NDUFAF5: variants seen among roughly 807,000 people sequenced by gnomAD.
NDUFAF5 encodes NADH:ubiquinone oxidoreductase complex assembly factor 5.
In NDUFAF5, 34 loss-of-function variants were observed where a neutral mutation model predicts 48.9. The observed-to-expected ratio is 0.70, with a 90% confidence interval of 0.53 to 0.93. The LOEUF is 0.93. NDUFAF5 is among the 40% of genes least tolerant of loss of function. The pLI is 0.00. For synonymous variants in NDUFAF5, 153 were observed against 150.6 expected, an observed-to-expected ratio of 1.02 and a Z score of -0.12; for missense variants, 428 against 427.5, an observed-to-expected ratio of 1.00 and a Z score of -0.01.
intron 7 of NDUFAF5, among the ~76,000 whole-genome samples, chr20:13,805,538 A>G (rs977235056): frequency 1.3e-5 from 2 of 152,186 alleles, no homozygotes; most frequent in Non-Finnish European, 2.9e-5. Flanking sequence ...AGTTTATACA[A>G]TTAGAAAGTT....
intron 8 of NDUFAF5, 159 bp from the exon 9 acceptor site, chr20:13,816,304 A>G (rs1253089745): frequency 7.2e-6 from 5 of 695,488 alleles, no homozygotes; most frequent in Admixed American, 4.1e-5. Flanking sequence ...TCACTAAGAA[A>G]CCCAGTTATA....
chr20:13,801,685 T>C lies in NDUFAF5; in HGVS notation c.717+2T>C. The C allele has an allele frequency of 6.2e-7, 1 of 1,612,676 alleles. No individual in the cohort carries two copies. Among genetic ancestry groups the C allele is most frequent in the Non-Finnish European group, 8.5e-7 (1 of 1,178,766 alleles). On this transcript the variant is annotated splice_donor_variant, in intron 7 of 10. Transcript: ENST00000378106. LOFTEE classifies it high-confidence loss of function. ...GCTGGCTTTAATACTCTGACTGTGG[T>C]AACTATCAAGTTCGATTAACCCATA... is the stretch of plus-strand genomic sequence containing the variant.
Position 13,787,348 on chromosome 20 carries a change from C to A in NDUFAF5, c.259C>A (p.Pro87Thr). The A allele has an allele frequency of 1.9e-6, 3 of 1,613,812 alleles. No individual in the cohort carries two copies. Among genetic ancestry groups the A allele is most frequent in the Non-Finnish European group, 2.5e-6 (3 of 1,179,790 alleles). Residue 87 changes from proline (P) to threonine (T), a missense_variant, in exon 2 of 11, where the codon CCC becomes ACC. Physicochemically the swap from Pro to Thr is conservative, Grantham distance 38. Coordinates refer to ENST00000378106, the MANE Select transcript of NDUFAF5 (RefSeq NM_024120.5). ...GATCGCAGACCGTGTATATGACATA[C>A]CCAGGTAAGTGGTGGTGATCATAAT... ...SRIADRVYDI[P>T]RNFPLALDLG...
intron 7 of NDUFAF5, among the ~76,000 whole-genome samples, chr20:13,805,330 A>G (rs1057332577): frequency 6.6e-5 from 10 of 152,328 alleles, no homozygotes; most frequent in Admixed American, 2.6e-4. Flanking sequence ...TGAACTACAC[A>G]TGGTTTTCTG....
chr20:13,811,171 A>G (rs914550593), intron 8 of NDUFAF5, among the ~76,000 whole-genome samples: 1 of 152,202 alleles, frequency 6.6e-6, no homozygotes, highest in Non-Finnish European at 1.5e-5. Flanking sequence ...AAGTGGGAAC[A>G]AGAAAGAGTG....
intron 5 of NDUFAF5, 118 bp downstream of exon 5, chr20:13,795,059 G>A (rs1170061081): frequency 8.3e-5 from 59 of 710,778 alleles, no homozygotes; most frequent in South Asian, 4.5e-4. Flanking sequence ...TTGGGAGGCC[G>A]AGGCGAGTGA....
intron 8 of NDUFAF5, chr20:13,813,038 C>G (rs1297969119): frequency 6.6e-6 from 1 of 152,372 alleles, no homozygotes; most frequent in Non-Finnish European, 1.5e-5. Context: ...CAACCTCTGC[C>G]TCCTGGGTTC....
Position 13,798,510 on chromosome 20 carries a change from CTT to C in NDUFAF5, c.519+11_519+12del. On this transcript the variant is annotated intron_variant, in intron 6 of 10. Transcript: ENST00000378106. ...TAGAGCACTTGAGCAGGTAAGAAAA[CTT>C]ATGTTCATTCAACTATCTTGTGTTA... 5.0e-6 allele frequency: 8 copies of C among 1,593,094 alleles called. No individual in the cohort carries two copies. Among genetic ancestry groups the C allele is most frequent in the Non-Finnish European group, 6.9e-6 (8 of 1,161,134 alleles).
In NDUFAF5 at chr20:13,797,687, C is replaced by G. The variant is rs144961679; in HGVS notation, c.480-774C>G. 4.8e-3 allele frequency among the ~76,000 whole-genome samples: 735 copies of G among 152,154 alleles called. 12 individuals carry two copies. Among genetic ancestry groups the G allele is most frequent in the African/African-American group, 0.016 (667 of 41,494 alleles). ...TATGACATTACACGTTTATCCAAAC[C>G]CTTAGAATATACAACACCAAAAGTG... On this transcript the variant is annotated intron_variant, in intron 5 of 10. Transcript: ENST00000378106.
intron 8 of NDUFAF5, among the ~76,000 whole-genome samples, chr20:13,815,697 A>G (rs1986376902): frequency 6.6e-6 from 1 of 152,256 alleles, no homozygotes; most frequent in Non-Finnish European, 1.5e-5. Context: ...AATTTAATAT[A>G]GAGAATACAT....
rs2034968098 is a variant in NDUFAF5, at chr20:13,785,283, A to G, written c.215A>G (p.Lys72Arg). The G allele has an allele frequency of 6.5e-7, 1 of 1,550,116 alleles. No homozygotes were observed. The highest frequency in any genetic ancestry group is 1.3e-5 in the African/African-American group (1 of 74,364). Residue 72 changes from lysine to arginine, a missense_variant, in exon 1 of 11, where the codon AAG becomes AGG. By Grantham distance (26) the Lys-to-Arg change is conservative. Transcript: ENST00000378106. Reference protein sequence around the residue: ...QPEPTKFDYLKEEVGSRIADR... With the variant: ...QPEPTKFDYLREEVGSRIADR... ...GAGCCGACCAAATTTGACTACCTGA[A>G]GGAGGAGGTGAGCCCGCGGGGCGGC...
At position 13,788,803 on chromosome 20, in the gene NDUFAF5, A is replaced by G. The variant is rs1293479491; in HGVS notation, c.327+151A>G. On this transcript the variant is annotated intron_variant, in intron 3 of 10. Transcript: ENST00000378106. ...TTTTTTTTTTTAAGTGGTAGAATCA[A>G]TGGTGGTTTTCTCCCTTCTTTAGAA... 18 of 585,522 alleles carry G rather than the reference A, an allele frequency of 3.1e-5. 1 individual carries two copies. In the Admixed American group the frequency reaches 4.2e-4, roughly 14 times the overall value. 36.3% of individuals were successfully genotyped at this position (585,522 alleles called of 1,614,324 possible).
chr20:13,801,392 G>A, intron 6 of NDUFAF5, 94 bp from the exon 7 acceptor site: 1 of 732,312 alleles, frequency 1.4e-6, no homozygotes, highest in Admixed American at 2.9e-5. Context: ...AAAAGTGGTT[G>A]TCATAAAATG....
In NDUFAF5 at chr20:13,821,523, A is replaced by G. The variant is rs1986978028; in HGVS notation, c.*4313A>G. 1 of 152,222 alleles carries G rather than the reference A, an allele frequency of 6.6e-6. No homozygotes were observed. The highest frequency in any genetic ancestry group is 1.5e-5 in the Non-Finnish European group (1 of 68,052). 9.4% of individuals were successfully genotyped at this position (152,222 alleles called of 1,614,324 possible). On this transcript the variant is annotated 3_prime_UTR_variant, in exon 11 of 11. Transcript: ENST00000378106. ...GACCCTGAGCTAGAACCACCTAGCT[A>G]AGCCACTCTCAAATATCTTATCTAC... is the stretch of plus-strand genomic sequence containing the variant.
At chr20:13,807,679 C>G (rs1985248944) in intron 7 of NDUFAF5, among the ~76,000 whole-genome samples, 1 of 151,808 alleles carries the variant, frequency 6.6e-6, no homozygotes, top group East Asian at 1.9e-4. Flanking sequence ...CGCCATGGCC[C>G]ACACTTGGAA....
chr20:13,800,402 C>G (rs1207261574), intron 6 of NDUFAF5, among the ~76,000 whole-genome samples: 1 of 152,112 alleles, frequency 6.6e-6, no homozygotes, highest in Non-Finnish European at 1.5e-5. Context: ...ATTAGAAGAG[C>G]CTACTGTGAT....
chr20:13,815,991 A>G (rs1364857017), intron 8 of NDUFAF5: 10 of 201,062 alleles, frequency 5.0e-5, no homozygotes, highest in Non-Finnish European at 1.0e-4. Flanking sequence ...CTTTGGTACT[A>G]TCTAATGAGT....
intron 8 of NDUFAF5, 61 bp from the exon 9 acceptor site, chr20:13,816,402 G>A (rs933012620): frequency 2.7e-6 from 3 of 1,102,538 alleles, no homozygotes; most frequent in Non-Finnish European, 4.2e-6. Flanking sequence ...TTAAGTCTGT[G>A]GTATTGAGCT....
Position 13,808,858 on chromosome 20 carries a change from A to C in NDUFAF5, c.734A>C (p.Gln245Pro), listed in dbSNP as rs763973258. 6.3e-6 allele frequency: 10 copies of C among 1,585,292 alleles called. No individual in the cohort carries two copies. The African/African-American group carries it at 1.3e-4, about 21-fold the overall frequency. Residue 245 changes from glutamine to proline, a missense_variant, in exon 8 of 11, where the codon CAA becomes CCA. Physicochemically the swap from Gln to Pro is moderately conservative, Grantham distance 76 (BLOSUM62 -1). Transcript: ENST00000378106. ...TTTAAATAGGACACTGATGAAATTC[A>C]AGTTAACTATCCTGGAATGTTTGAA... ...NTLTVDTDEI[Q>P]VNYPGMFELM...
Sources: gnomAD v4.1 joint callset for allele counts (sites outside exome capture counted in the v4.1 genomes callset) on GRCh38, gnomAD v4.1.1 for gene constraint, MANE v1.5 for transcripts, NCBI Gene and HGNC (gene_info 2026-07-23, HGNC 2026-07-21) for gene names.